The following CTRL variants were observed in gnomAD, a reference collection of about 807,000 sequenced individuals.
The protein encoded by CTRL is chymotrypsin like, also known as chymotrypsin-like protease CTRL-1.
A neutral mutation model predicts 35.5 loss-of-function variants in CTRL; 38 were observed. The observed-to-expected ratio is 1.07, with a 90% CI of 0.83 to 1.40. The LOEUF (loss-of-function observed/expected upper bound fraction) is 1.40, where lower values mean the gene tolerates loss of function less well. CTRL is among the 40% of genes most tolerant of loss of function. The probability of loss-of-function intolerance (pLI) is 0.00; values close to 1 mark genes in which losing one functional copy is unlikely to be tolerated. For synonymous variants in CTRL, 155 were observed against 141.1 expected, an observed-to-expected ratio of 1.10 and a Z score of -0.70; for missense variants, 327 against 342.9, an observed-to-expected ratio of 0.95 and a Z score of 0.37.
At chr16:67,931,861 ATG>A (rs1208169594) in exon 1 of CTRL, 2 of 1,566,826 alleles carry the variant, frequency 1.3e-6, no homozygotes, top group African/African-American at 2.7e-5. Context: ...ATCGTGGCAG[ATG>A]TGAGGTTGGG....
In CTRL at chr16:67,929,776, A is replaced by G. The variant is rs1567403684; in HGVS notation, c.*158T>C. The G allele has an allele frequency of 4.9e-6, 4 of 814,892 alleles. No homozygotes were observed. Among genetic ancestry groups the G allele is most frequent in the Non-Finnish European group, 7.6e-6 (4 of 524,602 alleles). 50.5% of individuals were successfully genotyped at this position (814,892 alleles called of 1,614,324 possible). Reference sequence around the variant, plus strand: ...ACTCTAGGAAGAGCCACTGCTACTCAAGGAGTCACTCAGCCCCTTCTGTGC... The same window carrying G: ...ACTCTAGGAAGAGCCACTGCTACTCGAGGAGTCACTCAGCCCCTTCTGTGC... On this transcript the variant is annotated 3_prime_UTR_variant, in exon 7 of 7. Transcript: ENST00000574481.
chr16:67,930,931 G>A lies in CTRL; in HGVS notation c.225C>T (p.His75=), dbSNP rs1220720771. 5.6e-6 allele frequency: 9 copies of A among 1,613,584 alleles called. No homozygotes were observed. The highest frequency in any genetic ancestry group is 1.3e-5 in the African/African-American group (1 of 74,926). The change falls in exon 3 of 7, where the codon CAC becomes CAT. Residue 75 remains histidine, a synonymous_variant. Coordinates refer to ENST00000574481, the MANE Select transcript of CTRL (RefSeq NM_001907.3). The surrounding 1 kb of genome is among the most constrained non-coding windows in gnomAD (Gnocchi z 4.3). ...ATGCAGGCACTCACCTGACATTGCA[G>A]TGGGCAGCAGTGACCACCCAGGACT... The part of the protein sequence containing the change: ...ISQSWVVTAA[H]CNVSPGRHFV...
Position 67,930,726 on chromosome 16 carries a change from C to G in CTRL, c.318G>C (p.Arg106=). The change falls in exon 4 of 7, where the codon CGG becomes CGC. Residue 106 remains arginine (R), a splice_region_variant and synonymous_variant. Transcript: ENST00000574481. The surrounding 1 kb of genome is among the most constrained non-coding windows in gnomAD (Gnocchi z 4.3). ...AEPLQVLSVS[R]AITHPSWNST... is the part of the protein sequence containing the mutation. ...CCGTGTCTGCAGCCCAGGCACTCAC[C>G]CGAGAGACGGACAGAACCTGCAAGG... 6.2e-7 allele frequency: 1 copy of G among 1,613,970 alleles called. No individual in the cohort carries two copies. Among genetic ancestry groups the G allele is most frequent in the South Asian group, 1.1e-5 (1 of 91,080 alleles).
chr16:67,931,823 C>T lies in CTRL; in HGVS notation c.30G>A (p.Leu10=). 1.3e-6 allele frequency: 2 copies of T among 1,571,812 alleles called. No homozygotes were observed. Among genetic ancestry groups the T allele is most frequent in the Non-Finnish European group, 1.7e-6 (2 of 1,158,614 alleles). The part of the protein sequence containing the change: MLLLSLTLS[L]VLLGSSWGCG... ...CACCCCAGGAGGAGCCGAGGAGAAC[C>T]AGGCTTAGGGTCAGGCTGAGCAGCA... Residue 10 remains leucine (L), a synonymous_variant, in exon 1 of 7, where the codon CTG becomes CTA. Coordinates refer to ENST00000574481, the MANE Select transcript of CTRL (RefSeq NM_001907.3).
chr16:67,930,786 G>C lies in CTRL; in HGVS notation c.258C>G (p.Val86=). The C allele has an allele frequency of 6.2e-7, 1 of 1,614,090 alleles. No homozygotes were observed. The highest frequency in any genetic ancestry group is 8.5e-7 in the Non-Finnish European group (1 of 1,180,008). Residue 86 remains valine, a synonymous_variant, in exon 4 of 7, where the codon GTC becomes GTG. Coordinates refer to ENST00000574481, the MANE Select transcript of CTRL (RefSeq NM_001907.3). The surrounding 1 kb of genome is among the most constrained non-coding windows in gnomAD (Gnocchi z 4.3). The part of the protein sequence containing the change: ...CNVSPGRHFV[V]LGEYDRSSNA... Reference sequence around the variant, plus strand: ...TTGATGATCGGTCATACTCGCCCAGGACAACAAAATGGCGGCCAGGGCTGC... The same window carrying C: ...TTGATGATCGGTCATACTCGCCCAGCACAACAAAATGGCGGCCAGGGCTGC...
intron 1 of CTRL, 104 bp from the exon 2 acceptor site, chr16:67,931,305 A>C: frequency 9.0e-7 from 1 of 1,106,804 alleles, no homozygotes; most frequent in South Asian, 1.3e-5. Flanking sequence ...GTCTGTCGAG[A>C]GGGTACAGCA....
rs779062367 is a variant in CTRL at position 67,930,604 on chromosome 16, C to T, written c.319-16G>A. 17 of 1,612,382 alleles carry T rather than the reference C, an allele frequency of 1.1e-5. No homozygotes were observed. Among genetic ancestry groups the T allele is most frequent in the African/African-American group, 5.3e-5 (4 of 74,982 alleles). On this transcript the variant is annotated splice_polypyrimidine_tract_variant and intron_variant, in intron 4 of 6. Transcript: ENST00000574481. The surrounding 1 kb of genome is among the most constrained non-coding windows in gnomAD (Gnocchi z 4.3). ...GTGTAATGGCCTGTGGGGTCAGAAA[C>T]AGTCCATGTTCTGATGGGTGCTGAG...
Position 67,931,130 on chromosome 16 carries a change from A to T in CTRL, c.124T>A (p.Leu42Met). The part of the protein sequence containing the change: ...QRIVNGENAV[L>M]GSWPWQVSLQ... ...GACACCTGCCAGGGCCAGGAGCCCA[A>T]CACTGCATTCTCCCCGTTGACAATC... The change falls in exon 2 of 7, where the codon TTG becomes ATG. Residue 42 changes from leucine (L) to methionine (M), a missense_variant. Transcript: ENST00000574481. 1 of 1,614,138 alleles carries T rather than the reference A, an allele frequency of 6.2e-7. No homozygotes were observed. Among genetic ancestry groups the T allele is most frequent in the Non-Finnish European group, 8.5e-7 (1 of 1,180,022 alleles).
rs147657411 is a variant in CTRL, at chr16:67,930,071, A to G, written c.658T>C (p.Cys220Arg). ...CQGDSGGPLV[C>R]QKGNTWVLIG... is the part of the protein sequence containing the mutation. ...AGCACCCATGTGTTTCCCTTCTGGC[A>G]GACAAGAGGGCCTCCGGAGTCACCC... Residue 220 changes from cysteine to arginine, a missense_variant, in exon 7 of 7, where the codon TGC becomes CGC. Physicochemically the swap from Cys to Arg is radical, Grantham distance 180 (BLOSUM62 -3). Coordinates refer to ENST00000574481, the MANE Select transcript of CTRL (RefSeq NM_001907.3). This position sits in a 1 kb window ranked among gnomAD's most constrained non-coding sequence, Gnocchi z 4.3. 3 of 1,614,152 alleles carry G rather than the reference A, an allele frequency of 1.9e-6. No homozygotes were observed. The highest frequency in any genetic ancestry group is 2.5e-6 in the Non-Finnish European group (3 of 1,180,026).
chr16:67,930,124 G>A lies in CTRL; in HGVS notation c.634-29C>T. The A allele has an allele frequency of 6.2e-7, 1 of 1,613,808 alleles. No homozygotes were observed. The highest frequency in any genetic ancestry group is 8.5e-7 in the Non-Finnish European group (1 of 1,179,756). On this transcript the variant is annotated intron_variant, in intron 6 of 6. Coordinates refer to ENST00000574481, the MANE Select transcript of CTRL (RefSeq NM_001907.3). This position sits in a 1 kb window ranked among gnomAD's most constrained non-coding sequence, Gnocchi z 4.3. ...AGAGGGAAGAGGGAGGGAGAATTGA[G>A]TAGGGGGGGTTGGGGAGGTATACCA...
Position 67,930,087 on chromosome 16 carries a change from G to C in CTRL, c.642C>G (p.Ser214=). 1.2e-6 allele frequency: 2 copies of C among 1,614,100 alleles called. No homozygotes were observed. The highest frequency in any genetic ancestry group is 1.7e-6 in the Non-Finnish European group (2 of 1,180,008). Residue 214 remains serine (S), a synonymous_variant, in exon 7 of 7, where the codon TCC becomes TCG. Coordinates refer to ENST00000574481, the MANE Select transcript of CTRL (RefSeq NM_001907.3). The surrounding 1 kb of genome is among the most constrained non-coding windows in gnomAD (Gnocchi z 4.3). ...CCTTCTGGCAGACAAGAGGGCCTCC[G>C]GAGTCACCCTGAGAGGGAAGAGGGA... ...GAGASSCQGD[S]GGPLVCQKGN...
In CTRL at chr16:67,929,839, CT is replaced by C; in HGVS notation, c.*94del. The C allele has an allele frequency of 2.8e-6, 4 of 1,415,690 alleles. No individual in the cohort carries two copies. Among genetic ancestry groups the C allele is most frequent in the Non-Finnish European group, 3.9e-6 (4 of 1,029,340 alleles). 87.7% of individuals were successfully genotyped at this position (1,415,690 alleles called of 1,614,324 possible). On this transcript the variant is annotated 3_prime_UTR_variant, in exon 7 of 7. Transcript: ENST00000574481. ...TAGGGAGTCGGACCCTCAACAGCCT[CT>C]TCTTTCTCCTGAGCCAGGAAGACAG...
rs1234433262 is a variant in CTRL at position 67,931,250 on chromosome 16, T to C, written c.53-49A>G. 6 of 1,594,748 alleles carry C rather than the reference T, an allele frequency of 3.8e-6. No individual in the cohort carries two copies. In the South Asian group the frequency reaches 6.6e-5, roughly 18 times the overall value. On this transcript the variant is annotated intron_variant, in intron 1 of 6. Coordinates refer to ENST00000574481, the MANE Select transcript of CTRL (RefSeq NM_001907.3). ...CTGCTTCCCATGCCTCAGCCCATCT[T>C]TCCCCACCTCCTTTTGGGTGCCCCA...
Position 67,929,868 on chromosome 16 carries a change from A to G in CTRL, c.*66T>C. The G allele has an allele frequency of 6.5e-7, 1 of 1,538,048 alleles. No homozygotes were observed. The highest frequency in any genetic ancestry group is 8.9e-7 in the Non-Finnish European group (1 of 1,121,132). Reference sequence around the variant, plus strand: ...TTTCTCCTGAGCCAGGAAGACAGACATGAATGCATGATGGGACAGGGCCTG... The same window carrying G: ...TTTCTCCTGAGCCAGGAAGACAGACGTGAATGCATGATGGGACAGGGCCTG... On this transcript the variant is annotated 3_prime_UTR_variant, in exon 7 of 7. Transcript: ENST00000574481.
In CTRL at chr16:67,930,003, G is replaced by A. The variant is rs542410288; in HGVS notation, c.726C>T (p.Arg242=). Residue 242 remains arginine (R), a synonymous_variant, in exon 7 of 7, where the codon CGC becomes CGT. Transcript: ENST00000574481. The surrounding 1 kb of genome is among the most constrained non-coding windows in gnomAD (Gnocchi z 4.3). ...TAACTCGAGTATACACAGCAGGTGC[G>A]CGCACATTGCAGTTTTTGGTGCCCC... ...VSWGTKNCNV[R]APAVYTRVSK... The A allele has an allele frequency of 2.2e-5, 35 of 1,614,012 alleles. No homozygotes were observed. The East Asian group carries it at 2.2e-4, about 10-fold the overall frequency.
At chr16:67,931,647 C>T (rs1079725) in intron 1 of CTRL, 154 bp downstream of exon 1, 8 of 872,256 alleles carry the variant, frequency 9.2e-6, no homozygotes, top group African/African-American at 1.7e-5. Flanking sequence ...GCCCTGCAGG[C>T]CTGTTCCCTG....
chr16:67,930,362 TC>T lies in CTRL; in HGVS notation c.499+45del, dbSNP rs2058235125. 6.2e-7 allele frequency: 1 copy of T among 1,612,440 alleles called. No homozygotes were observed. Among genetic ancestry groups the T allele is most frequent in the African/African-American group, 1.3e-5 (1 of 74,802 alleles). On this transcript the variant is annotated intron_variant, in intron 5 of 6. Transcript: ENST00000574481. The surrounding 1 kb of genome is among the most constrained non-coding windows in gnomAD (Gnocchi z 4.3). ...GGTCACATGGGGCCCAGAACACTGG[TC>T]CCCACCCCAGTCCTCCCACCCTGAG...
rs1208483504 is a variant in CTRL at position 67,931,117 on chromosome 16, G to A, written c.137C>T (p.Pro46Leu). 1 of 1,614,036 alleles carries A rather than the reference G, an allele frequency of 6.2e-7. No individual in the cohort carries two copies. The highest frequency in any genetic ancestry group is 8.5e-7 in the Non-Finnish European group (1 of 1,179,988). Residue 46 changes from proline to leucine, a missense_variant, in exon 2 of 7, where the codon CCC becomes CTC. Pro to Leu is a moderately conservative substitution (Grantham distance 98). Coordinates refer to ENST00000574481, the MANE Select transcript of CTRL (RefSeq NM_001907.3). ...GTGTACCTGCAGGGACACCTGCCAGGGCCAGGAGCCCAACACTGCATTCTC... is the reference window on the plus strand; with the variant it reads ...GTGTACCTGCAGGGACACCTGCCAGAGCCAGGAGCCCAACACTGCATTCTC... ...NGENAVLGSWPWQVSLQDSSG... is the reference protein window; with the variant it reads ...NGENAVLGSWLWQVSLQDSSG...
At position 67,930,864 on chromosome 16, in the gene CTRL, C is replaced by T. The variant is rs889873958; in HGVS notation, c.236+56G>A. ...GAGGCCAGCGCGAGAGGGGGACAGC[C>T]AGGGGAGGAGGCAGGAAGAGGCGAG... On this transcript the variant is annotated intron_variant, in intron 3 of 6. Transcript: ENST00000574481. This position sits in a 1 kb window ranked among gnomAD's most constrained non-coding sequence, Gnocchi z 4.3. 7.4e-6 allele frequency: 12 copies of T among 1,612,608 alleles called. 1 individual carries two copies. The Admixed American group carries it at 1.0e-4, about 13-fold the overall frequency.
Sources: gnomAD v4.1 joint callset for allele counts on GRCh38, gnomAD v4.1.1 for gene constraint, Gnocchi (gnomAD v3.1) non-coding constraint, MANE v1.5 for transcripts, NCBI Gene and HGNC (gene_info 2026-07-23, HGNC 2026-07-21) for gene names.